The following TAFA2 variants were observed in gnomAD, a reference collection of about 807,000 sequenced individuals.
The protein encoded by TAFA2 is chemokine-like protein TAFA-2.
Under a neutral mutation model 18.8 loss-of-function variants are expected in TAFA2, and 7 were observed. The ratio of observed to expected loss-of-function variants is 0.37; its 90% CI spans 0.21 to 0.70. The LOEUF is 0.70. TAFA2 is among the 30% of genes least tolerant of loss of function. The probability of loss-of-function intolerance (pLI) is 0.53; values close to 1 mark genes in which losing one functional copy is unlikely to be tolerated. For synonymous variants in TAFA2, 60 were observed against 54.2 expected, an observed-to-expected ratio of 1.11 and a Z score of -0.47; for missense variants, 122 against 158.1, an observed-to-expected ratio of 0.77 and a Z score of 1.23.
At chr12:61,762,893 T>C (rs1273771464) in intron 2 of TAFA2, among the ~76,000 whole-genome samples, 1 of 152,024 alleles carries the variant, frequency 6.6e-6, no homozygotes, top group Admixed American at 6.6e-5. Flanking sequence ...CTGGAGAATC[T>C]ATATTGTACC....
intron 4 of TAFA2, among the ~76,000 whole-genome samples, chr12:61,723,201 A>G (rs2120609349): frequency 6.6e-6 from 1 of 152,302 alleles, no homozygotes; most frequent in African/African-American, 2.4e-5. Flanking sequence ...TCTATTATAA[A>G]ACATATTTCA....
intron 1 of TAFA2, among the ~76,000 whole-genome samples, chr12:62,148,503 A>G (rs2062303718): frequency 6.6e-6 from 1 of 152,170 alleles, no homozygotes; most frequent in South Asian, 2.1e-4. Context: ...CAGTACACAC[A>G]GACATAAAGT....
chr12:61,909,422 G>C (rs1876506439), intron 1 of TAFA2, among the ~76,000 whole-genome samples: 1 of 152,118 alleles, frequency 6.6e-6, no homozygotes, highest in African/African-American at 2.4e-5. Context: ...TCATCATATG[G>C]GAAAATGTCA....
At chr12:62,079,221 G>T (rs1868283352) in intron 1 of TAFA2, among the ~76,000 whole-genome samples, 1 of 152,112 alleles carries the variant, frequency 6.6e-6, no homozygotes, top group Admixed American at 6.5e-5. Context: ...TAGGGAAATT[G>T]TTGGTCCCAT....
intron 1 of TAFA2, among the ~76,000 whole-genome samples, chr12:61,875,771 T>G (rs1317717728): frequency 6.6e-6 from 1 of 152,136 alleles, no homozygotes; most frequent in Non-Finnish European, 1.5e-5. Flanking sequence ...TTGGATTACC[T>G]TCTCCTACCG....
rs537991864 is a variant in TAFA2 at position 62,152,845 on chromosome 12, A to G, written c.-2+38414T>C. ...AATATTCATGTTTTAATTTTAACCA[A>G]TCTCCACGAATGTGTTGAGCCCTTG... is the stretch of plus-strand genomic sequence containing the variant. On this transcript the variant is annotated intron_variant, in intron 1 of 4. Transcript: ENST00000416284. Among the ~76,000 whole-genome samples the G allele has an allele frequency of 3.2e-4, 48 of 152,278 alleles. No individual in the cohort carries two copies. In the South Asian group the frequency reaches 7.5e-3, roughly 24 times the overall value.
chr12:62,163,941 CT>C (rs2062422690), intron 1 of TAFA2, among the ~76,000 whole-genome samples: 1 of 152,026 alleles, frequency 6.6e-6, no homozygotes, highest in African/African-American at 2.4e-5. Context: ...TCCTTTTTAA[CT>C]TTTTCTTAGG....
At chr12:61,840,272 G>A (rs536219424) in intron 2 of TAFA2, among the ~76,000 whole-genome samples, 1 of 152,058 alleles carries the variant, frequency 6.6e-6, no homozygotes, top group East Asian at 1.9e-4. Context: ...TTTATATTAT[G>A]TGCCTGACGT....
chr12:62,076,223 C>T (rs1273690471), intron 1 of TAFA2, among the ~76,000 whole-genome samples: 1 of 151,850 alleles, frequency 6.6e-6, no homozygotes, highest in African/African-American at 2.4e-5. Flanking sequence ...TGGTATAATC[C>T]ATAGTATGCT....
intron 2 of TAFA2, chr12:61,776,056 G>A: frequency 2.4e-6 from 1 of 419,276 alleles, no homozygotes; most frequent in East Asian, 6.3e-5. Flanking sequence ...ATAAGGGAAT[G>A]GGTACTGTAA....
At chr12:61,929,833 G>C (rs369689203) in intron 1 of TAFA2, among the ~76,000 whole-genome samples, 1 of 151,950 alleles carries the variant, frequency 6.6e-6, no homozygotes, top group Non-Finnish European at 1.5e-5. Flanking sequence ...CCATAAAAAA[G>C]GATGAGTTCA....
intron 1 of TAFA2, among the ~76,000 whole-genome samples, chr12:61,904,996 TA>T (rs1273198774): frequency 6.6e-6 from 1 of 152,152 alleles, no homozygotes; most frequent in African/African-American, 2.4e-5. Context: ...AAATAGATAC[TA>T]AAAAGCAGTC....
At chr12:61,836,729 TTTG>T (rs1491000754) in intron 2 of TAFA2, among the ~76,000 whole-genome samples, 5 of 65,064 alleles carry the variant, frequency 7.7e-5, no homozygotes, top group African/African-American at 2.4e-4. Context: ...TTGTTGCCAA[TTTG>T]ATATATATAT....
intron 1 of TAFA2, among the ~76,000 whole-genome samples, chr12:62,148,981 A>G (rs1488218209): frequency 6.6e-6 from 1 of 152,224 alleles, no homozygotes; most frequent in Non-Finnish European, 1.5e-5. Flanking sequence ...TAGCATTATA[A>G]TCTTAGGTTC....
chr12:62,088,345 T>A (rs17713376), intron 1 of TAFA2, among the ~76,000 whole-genome samples: 9,565 of 151,048 alleles, frequency 0.063, 463 homozygotes, highest in Non-Finnish European at 0.096. Context: ...ATTAGCCAAC[T>A]AAAAGACAGT....
intron 1 of TAFA2, among the ~76,000 whole-genome samples, chr12:62,170,756 C>G (rs1014667398): frequency 6.6e-6 from 1 of 152,150 alleles, no homozygotes; most frequent in Non-Finnish European, 1.5e-5. Flanking sequence ...AAATTCTCAT[C>G]CCTCAAATCC....
intron 1 of TAFA2, among the ~76,000 whole-genome samples, chr12:62,183,030 G>T (rs892587551): frequency 6.6e-6 from 1 of 152,200 alleles, no homozygotes; most frequent in Non-Finnish European, 1.5e-5. Context: ...CCTAGAGAGT[G>T]CTTTCTATGG....
intron 1 of TAFA2, among the ~76,000 whole-genome samples, chr12:62,062,445 T>C (rs543280886): frequency 3.9e-5 from 6 of 152,222 alleles, no homozygotes; most frequent in South Asian, 4.1e-4. Context: ...GCAGCTGTGA[T>C]AGGAGGCTAC....
At chr12:62,105,412 A>C (rs2136856757) in intron 1 of TAFA2, among the ~76,000 whole-genome samples, 1 of 152,302 alleles carries the variant, frequency 6.6e-6, no homozygotes, top group East Asian at 1.9e-4. Flanking sequence ...TTTGTTCAGA[A>C]GTAAGTTTAT....
Sources: gnomAD v4.1 joint callset for allele counts (sites outside exome capture counted in the v4.1 genomes callset) on GRCh38, gnomAD v4.1.1 for gene constraint, MANE v1.5 for transcripts, NCBI Gene and HGNC (gene_info 2026-07-23, HGNC 2026-07-21) for gene names.